Variants in ZNF704 observed in about 807,000 individuals in gnomAD.
The protein encoded by ZNF704 is zinc finger protein 704, also known as glucocorticoid induced gene 1.
ZNF704 carries 10 observed loss-of-function variants against 44.7 expected under a neutral mutation model. The ratio of observed to expected loss-of-function variants is 0.22; its 90% CI spans 0.14 to 0.38. ZNF704 has a LOEUF of 0.38. ZNF704 is among the 10% of genes least tolerant of loss of function. ZNF704 has a pLI of 1.00. For synonymous variants in ZNF704, 211 were observed against 207.6 expected (o/e 1.02, Z -0.14); for missense variants, 390 against 545.5 (o/e 0.71, Z 2.84).
At chr8:80,722,933 A>T (rs114379062) in intron 2 of ZNF704, among the ~76,000 whole-genome samples, 3,467 of 152,346 alleles carry the variant, frequency 0.023, 135 homozygotes, top group African/African-American at 0.079. Context: ...GTGTTGGTGT[A>T]GCAAACAGTG....
intron 1 of ZNF704, among the ~76,000 whole-genome samples, chr8:80,861,165 A>G (rs78507641): frequency 0.012 from 1,799 of 152,340 alleles, 32 homozygotes; most frequent in African/African-American, 0.041. Context: ...GAGTTTACAA[A>G]AAGAAAGAGT....
At chr8:80,717,831 CT>C (rs1373244940) in intron 2 of ZNF704, among the ~76,000 whole-genome samples, 1 of 152,286 alleles carries the variant, frequency 6.6e-6, no homozygotes, top group Non-Finnish European at 1.5e-5. Context: ...CTCTATATTA[CT>C]TACTGAATGA....
chr8:80,850,863 A>C (rs1315235493), intron 1 of ZNF704, among the ~76,000 whole-genome samples: 2 of 152,208 alleles, frequency 1.3e-5, no homozygotes, highest in African/African-American at 4.8e-5. Context: ...GCCTAACATG[A>C]AGCAGGTGAC....
At chr8:80,863,694 G>A (rs1225556605) in intron 1 of ZNF704, among the ~76,000 whole-genome samples, 1 of 152,122 alleles carries the variant, frequency 6.6e-6, no homozygotes, top group Non-Finnish European at 1.5e-5. Context: ...GGAAATAAAC[G>A]TTGAACAATA....
chr8:80,674,674 A>C (rs899072976), intron 4 of ZNF704, among the ~76,000 whole-genome samples: 1 of 152,128 alleles, frequency 6.6e-6, no homozygotes, highest in Non-Finnish European at 1.5e-5. Flanking sequence ...CAATGACCCA[A>C]ACACCTCCCA....
intron 2 of ZNF704, among the ~76,000 whole-genome samples, chr8:80,732,034 A>T (rs571533622): frequency 6.6e-6 from 1 of 152,352 alleles, no homozygotes; most frequent in South Asian, 2.1e-4. Flanking sequence ...GACCAATTAT[A>T]TGTGCACATA....
At chr8:80,701,678 C>T (rs1032318400) in intron 2 of ZNF704, among the ~76,000 whole-genome samples, 2 of 152,082 alleles carry the variant, frequency 1.3e-5, no homozygotes, top group African/African-American at 4.8e-5. Context: ...ATTACAGATA[C>T]AAGAGGGAAG....
intron 2 of ZNF704, among the ~76,000 whole-genome samples, chr8:80,808,205 C>T (rs1808022630): frequency 6.6e-6 from 1 of 152,228 alleles, no homozygotes; most frequent in Non-Finnish European, 1.5e-5. Context: ...GATGTGGAAA[C>T]ACACTTTCCA....
At chr8:80,773,538 T>G (rs1807360464) in intron 2 of ZNF704, among the ~76,000 whole-genome samples, 1 of 152,196 alleles carries the variant, frequency 6.6e-6, no homozygotes, top group South Asian at 2.1e-4. Flanking sequence ...TATTTACATG[T>G]TTTTGCTTAC....
At chr8:80,864,949 G>GAT (rs1809130086) in intron 1 of ZNF704, among the ~76,000 whole-genome samples, 1 of 152,134 alleles carries the variant, frequency 6.6e-6, no homozygotes, top group Non-Finnish European at 1.5e-5. Context: ...TAAGAGATAG[G>GAT]ATGTCTCTGT....
intron 2 of ZNF704, among the ~76,000 whole-genome samples, chr8:80,794,211 CTTAATA>C (rs1807761117): frequency 6.6e-6 from 1 of 152,108 alleles, no homozygotes; most frequent in South Asian, 2.1e-4. Flanking sequence ...TTCAGGAAAT[CTTAATA>C]TTATTTTGGT....
At chr8:80,715,615 T>G (rs1458135050) in intron 2 of ZNF704, among the ~76,000 whole-genome samples, 1 of 152,236 alleles carries the variant, frequency 6.6e-6, no homozygotes, top group Non-Finnish European at 1.5e-5. Flanking sequence ...GGTCTGATCC[T>G]GCATGTCTCA....
At chr8:80,643,444 G>A (rs1053150692) in intron 7 of ZNF704, among the ~76,000 whole-genome samples, 37 of 150,236 alleles carry the variant, frequency 2.5e-4, no homozygotes, top group Admixed American at 2.1e-3. Context: ...CTTGAACCCC[G>A]GGGCGGAGGT....
chr8:80,849,499 T>C (rs1480036125), intron 1 of ZNF704, among the ~76,000 whole-genome samples: 1 of 152,194 alleles, frequency 6.6e-6, no homozygotes, highest in African/African-American at 2.4e-5. Flanking sequence ...GGAATTTATT[T>C]CCCACAGACT....
intron 7 of ZNF704, among the ~76,000 whole-genome samples, chr8:80,647,378 G>A (rs756655810): frequency 1.4e-4 from 22 of 152,160 alleles, no homozygotes; most frequent in Non-Finnish European, 1.9e-4. Flanking sequence ...GAGAGGAGAC[G>A]GAAGTATCAA....
intron 1 of ZNF704, among the ~76,000 whole-genome samples, chr8:80,847,230 C>A (rs1338391422): frequency 6.6e-6 from 1 of 151,746 alleles, no homozygotes; most frequent in African/African-American, 2.4e-5. Flanking sequence ...CTTACAGTCA[C>A]CCCTCAAAAA....
At chr8:80,870,057 C>A (rs2130071518) in intron 1 of ZNF704, among the ~76,000 whole-genome samples, 1 of 152,296 alleles carries the variant, frequency 6.6e-6, no homozygotes, top group Middle Eastern at 3.4e-3. Context: ...CCTGGTCAAG[C>A]CTTCAGATGA....
chr8:80,696,247 A>G (rs984194245), intron 2 of ZNF704, among the ~76,000 whole-genome samples: 2 of 152,238 alleles, frequency 1.3e-5, no homozygotes, highest in Non-Finnish European at 2.9e-5. Flanking sequence ...ATTTCAATCT[A>G]CAACTTAAAA....
At chr8:80,809,421 C>T (rs1315124234) in intron 2 of ZNF704, among the ~76,000 whole-genome samples, 1 of 152,136 alleles carries the variant, frequency 6.6e-6, no homozygotes, top group Non-Finnish European at 1.5e-5. Context: ...TAGAAAAGGG[C>T]AGCAACGTTA....
Sources: gnomAD v4.1 joint callset for allele counts (sites outside exome capture counted in the v4.1 genomes callset) on GRCh38, gnomAD v4.1.1 for gene constraint, MANE v1.5 for transcripts, NCBI Gene and HGNC (gene_info 2026-07-23, HGNC 2026-07-21) for gene names.